Variants in DENND5B observed in about 807,000 individuals in gnomAD.
DENND5B encodes DENN domain containing 5B.
A neutral mutation model predicts 140.6 loss-of-function variants in DENND5B; 34 were observed. The ratio of observed to expected loss-of-function variants is 0.24; its 90% CI spans 0.18 to 0.32. The LOEUF (loss-of-function observed/expected upper bound fraction) is 0.32, where lower values mean the gene tolerates loss of function less well. Among genes scored for constraint, DENND5B ranks in the 10% least tolerant of loss-of-function variants. The pLI, the probability that DENND5B is intolerant of heterozygous loss-of-function variation, is 1.00. For missense variants in DENND5B, 1,142 were observed against 1,560.2 expected (o/e 0.73, Z 4.52); for synonymous variants, 551 against 562.1 (o/e 0.98, Z 0.28).
At chr12:31,529,733 A>AT (rs905577877) in intron 1 of DENND5B, among the ~76,000 whole-genome samples, 20 of 151,328 alleles carry the variant, frequency 1.3e-4, no homozygotes, top group African/African-American at 4.1e-4. Flanking sequence ...TTTAAAAATA[A>AT]TTTTTTTTAA....
At chr12:31,555,045 T>C (rs899828046) in intron 1 of DENND5B, among the ~76,000 whole-genome samples, 3 of 152,216 alleles carry the variant, frequency 2.0e-5, no homozygotes, top group South Asian at 2.1e-4. Flanking sequence ...TCTGAAGCCT[T>C]CTTCTCTCAA....
intron 11 of DENND5B, among the ~76,000 whole-genome samples, chr12:31,420,471 T>C (rs1942969813): frequency 6.7e-6 from 1 of 150,300 alleles, no homozygotes; most frequent in Admixed American, 6.6e-5. Flanking sequence ...TGAGACAGCA[T>C]CTTGCTCTGT....
intron 1 of DENND5B, among the ~76,000 whole-genome samples, chr12:31,586,619 T>C (rs1950400238): frequency 6.6e-6 from 1 of 152,216 alleles, no homozygotes; most frequent in Admixed American, 6.5e-5. Flanking sequence ...TAAAAACCAT[T>C]TGAAGCCTTG....
chr12:31,554,695 C>A (rs1013138014), intron 1 of DENND5B, among the ~76,000 whole-genome samples: 2 of 152,204 alleles, frequency 1.3e-5, no homozygotes, highest in Admixed American at 6.5e-5. Flanking sequence ...TCAGGTACAC[C>A]AATCAGATGT....
intron 17 of DENND5B, 88 bp downstream of exon 17, chr12:31,398,087 T>G: frequency 8.0e-7 from 1 of 1,249,596 alleles, no homozygotes; most frequent in East Asian, 2.7e-5. Context: ...ATCTCCTCAC[T>G]ACATTCATTA....
intron 10 of DENND5B, 122 bp downstream of exon 10, chr12:31,424,413 T>C (rs989991663): frequency 2.1e-5 from 27 of 1,288,192 alleles, no homozygotes; most frequent in Non-Finnish European, 2.8e-5. Context: ...GCCTGTGGCA[T>C]TTTTCTAGTC....
chr12:31,409,475 T>C (rs1942323340), intron 13 of DENND5B, 91 bp from the exon 14 acceptor site: 1 of 34,974 alleles, frequency 2.9e-5, no homozygotes. Context: ...TCATTATGTC[T>C]TTTTTTTTTT....
rs537151049 is a variant in DENND5B, at chr12:31,486,001, G to A, written c.238-5746C>T. 5.4e-4 allele frequency among the ~76,000 whole-genome samples: 83 copies of A among 152,320 alleles called. No homozygotes were observed. In the South Asian group the frequency reaches 0.016, roughly 29 times the overall value. On this transcript the variant is annotated intron_variant, in intron 2 of 20. Coordinates refer to ENST00000389082, the MANE Select transcript of DENND5B (RefSeq NM_144973.4). ...AGAATACAGGCGCAGCCAACCAAAA[G>A]CTACCTACATTGCAGATATGTAGGC...
At chr12:31,415,275 C>A in intron 12 of DENND5B, 92 bp downstream of exon 12, 6 of 971,410 alleles carry the variant, frequency 6.2e-6, no homozygotes, top group South Asian at 1.8e-5. Flanking sequence ...CAAAAATAAA[C>A]ACAGCCATAA....
chr12:31,584,758 T>C (rs1028045128), intron 1 of DENND5B, among the ~76,000 whole-genome samples: 30 of 152,100 alleles, frequency 2.0e-4, no homozygotes, highest in African/African-American at 4.6e-4. Flanking sequence ...CCCAAGGAGA[T>C]TGAGGCTGCA....
intron 8 of DENND5B, among the ~76,000 whole-genome samples, chr12:31,428,674 T>G (rs908133766): frequency 9.9e-5 from 15 of 152,160 alleles, no homozygotes; most frequent in African/African-American, 3.6e-4. Flanking sequence ...TTCAAGTGAT[T>G]TTCCTGCCTC....
intron 1 of DENND5B, chr12:31,535,113 TG>T (rs1214691152): frequency 3.4e-6 from 1 of 297,076 alleles, no homozygotes; most frequent in Non-Finnish European, 6.2e-6. Flanking sequence ...GGCTTTTGTT[TG>T]GGCATTGATA....
At chr12:31,448,499 A>G (rs938131415) in intron 5 of DENND5B, among the ~76,000 whole-genome samples, 2 of 152,198 alleles carry the variant, frequency 1.3e-5, no homozygotes, top group African/African-American at 4.8e-5. Context: ...GCCACAAGGT[A>G]GTGAGATGAT....
intron 3 of DENND5B, chr12:31,465,756 A>C (rs991114677): frequency 1.3e-5 from 2 of 152,234 alleles, no homozygotes; most frequent in Admixed American, 1.3e-4. Context: ...ACAGAAATTC[A>C]TCTCAGGTAT....
chr12:31,477,849 G>A lies in DENND5B; in HGVS notation c.904+1740C>T, dbSNP rs149387596. The A allele has an allele frequency of 9.5e-4, 211 of 222,340 alleles. 1 individual carries two copies. Among genetic ancestry groups the A allele is most frequent in the African/African-American group, 4.7e-3 (202 of 43,360 alleles). The allele number at this position is 222,340 out of a possible 1,614,324, so 13.8% of individuals were successfully genotyped here. A position where few individuals can be genotyped will look rare whatever the true frequency, so the allele number is the denominator to read the frequency against. On this transcript the variant is annotated intron_variant, in intron 3 of 20. Coordinates refer to ENST00000389082, the MANE Select transcript of DENND5B (RefSeq NM_144973.4). ...ATGCAAAACTGAAAGTGGTTTAACA[G>A]TCAGTAAGAATCAAGCCCCTGAAGT...
intron 7 of DENND5B, among the ~76,000 whole-genome samples, chr12:31,435,905 GC>G (rs1269548073): frequency 1.3e-5 from 2 of 151,888 alleles, no homozygotes; most frequent in African/African-American, 4.8e-5. Flanking sequence ...CATGTGATCC[GC>G]CCACCTCGGC....
At chr12:31,544,635 G>C (rs1948794460) in intron 1 of DENND5B, among the ~76,000 whole-genome samples, 4 of 147,414 alleles carry the variant, frequency 2.7e-5, no homozygotes, top group Admixed American at 7.1e-5. Flanking sequence ...AAATTACAAT[G>C]AAATAAAAAG....
At chr12:31,576,095 T>G (rs918062379) in intron 1 of DENND5B, among the ~76,000 whole-genome samples, 1 of 145,266 alleles carries the variant, frequency 6.9e-6, no homozygotes. Flanking sequence ...GAGCTATGAC[T>G]GTGCCACTGC....
intron 1 of DENND5B, among the ~76,000 whole-genome samples, chr12:31,548,896 G>C (rs1376093415): frequency 1.3e-5 from 2 of 152,072 alleles, no homozygotes; most frequent in South Asian, 4.2e-4. Context: ...TGAAAGCCAA[G>C]GGTTTTTTTT....
Sources: allele counts gnomAD v4.1 joint callset (sites outside exome capture counted in the v4.1 genomes callset), GRCh38; gene constraint gnomAD v4.1.1; transcripts MANE v1.5; gene names NCBI Gene and HGNC (gene_info 2026-07-23, HGNC 2026-07-21).